Variants in SH2D4A observed in about 807,000 individuals in gnomAD.
The protein encoded by SH2D4A is SH2 domain-containing protein 4A.
In SH2D4A, 70 loss-of-function variants were observed where a neutral mutation model predicts 64.7. The ratio of observed to expected loss-of-function variants is 1.08; its 90% CI spans 0.89 to 1.32. The LOEUF (loss-of-function observed/expected upper bound fraction) is 1.32. Among genes scored for constraint, SH2D4A ranks in the 40% most tolerant of loss-of-function variants. The pLI, the probability that SH2D4A is intolerant of heterozygous loss-of-function variation, is 0.00. For missense variants in SH2D4A, 706 were observed against 540.1 expected, an observed-to-expected ratio of 1.31 and a Z score of -3.04; for synonymous variants, 268 against 200.7, an observed-to-expected ratio of 1.34 and a Z score of -2.83.
intron 8 of SH2D4A, among the ~76,000 whole-genome samples, chr8:19,383,105 C>G (rs1402294774): frequency 1.3e-5 from 2 of 152,018 alleles, no homozygotes; most frequent in African/African-American, 4.8e-5. Context: ...TAATGTCTTG[C>G]ATCAAATTTG....
At chr8:19,314,193 C>A in intron 1 of SH2D4A, 1 of 797,008 alleles carries the variant, frequency 1.3e-6, no homozygotes, top group Non-Finnish European at 1.6e-6. Flanking sequence ...CCGGCAGGGA[C>A]ACGCGGCGCG....
intron 2 of SH2D4A, among the ~76,000 whole-genome samples, chr8:19,329,654 G>A (rs2052340039): frequency 6.6e-6 from 1 of 152,182 alleles, no homozygotes; most frequent in Non-Finnish European, 1.5e-5. Context: ...GACCTGGTGG[G>A]AGGCAATTGA....
At chr8:19,362,261 G>C (rs59391930) in intron 6 of SH2D4A, among the ~76,000 whole-genome samples, 3,909 of 152,272 alleles carry the variant, frequency 0.026, 149 homozygotes, top group African/African-American at 0.088. Flanking sequence ...CCTAGCATAA[G>C]GGAATATTTT....
At chr8:19,334,275 C>T (rs1585153940) in intron 3 of SH2D4A, among the ~76,000 whole-genome samples, 2 of 152,130 alleles carry the variant, frequency 1.3e-5, no homozygotes, top group East Asian at 3.9e-4. Context: ...TGGGATGCTG[C>T]CCACTAGTGC....
chr8:19,349,953 C>T lies in SH2D4A; in HGVS notation c.514-7250C>T, dbSNP rs142485893. On this transcript the variant is annotated intron_variant, in intron 4 of 9. Transcript: ENST00000265807. Reference sequence around the variant, plus strand: ...TCCTGACCTCAAGTGACCTGCCCACCTTGGCCTCCCAAAGTGCTGGCATTA... The same window carrying T: ...TCCTGACCTCAAGTGACCTGCCCACTTTGGCCTCCCAAAGTGCTGGCATTA... 2.2e-3 allele frequency among the ~76,000 whole-genome samples: 336 copies of T among 152,290 alleles called. 2 individuals are homozygous for T. Among genetic ancestry groups the T allele is most frequent in the African/African-American group, 7.7e-3 (318 of 41,554 alleles).
At chr8:19,316,322 A>C (rs1293912366) in intron 1 of SH2D4A, among the ~76,000 whole-genome samples, 1 of 152,252 alleles carries the variant, frequency 6.6e-6, no homozygotes, top group African/African-American at 2.4e-5. Flanking sequence ...AAACAACATA[A>C]AAATGGAAAT....
chr8:19,382,218 A>G (rs1337837015), intron 8 of SH2D4A, among the ~76,000 whole-genome samples: 1 of 152,170 alleles, frequency 6.6e-6, no homozygotes, highest in Non-Finnish European at 1.5e-5. Flanking sequence ...TTGTTTACCC[A>G]GAAATGTCTT....
chr8:19,354,378 T>G (rs1354014860), intron 4 of SH2D4A, among the ~76,000 whole-genome samples: 1 of 152,078 alleles, frequency 6.6e-6, no homozygotes, highest in Non-Finnish European at 1.5e-5. Context: ...AACCTAAAAT[T>G]TCAAAGAAAA....
At chr8:19,383,642 T>C (rs1266056414) in intron 8 of SH2D4A, among the ~76,000 whole-genome samples, 1 of 152,224 alleles carries the variant, frequency 6.6e-6, no homozygotes, top group African/African-American at 2.4e-5. Context: ...CTATTTTTTT[T>C]TGTTTTTATT....
chr8:19,383,590 G>A (rs569495337), intron 8 of SH2D4A, among the ~76,000 whole-genome samples: 53 of 151,858 alleles, frequency 3.5e-4, no homozygotes, highest in African/African-American at 1.1e-3. Context: ...GTAATAATGC[G>A]GTAACTCTGG....
At position 19,334,792 on chromosome 8, in the gene SH2D4A, G is replaced by A. The variant is rs1245646660; in HGVS notation, c.448G>A (p.Ala150Thr). ...QQTKDIWKKVAEKEELEQGSR... is the reference protein window; with the variant it reads ...QQTKDIWKKVTEKEELEQGSR... Reference sequence around the variant, plus strand: ...GACTAAAGACATCTGGAAGAAAGTGGCAGAAAAGGAGGAACTGGAGCAAGG... The same window carrying A: ...GACTAAAGACATCTGGAAGAAAGTGACAGAAAAGGAGGAACTGGAGCAAGG... The change falls in exon 4 of 10, where the codon GCA becomes ACA. Residue 150 changes from alanine (A) to threonine (T), a missense_variant. By Grantham distance (58) the Ala-to-Thr change is moderately conservative. Transcript: ENST00000265807. 6.2e-7 allele frequency: 1 copy of A among 1,614,086 alleles called. No individual in the cohort carries two copies. The highest frequency in any genetic ancestry group is 8.5e-7 in the Non-Finnish European group (1 of 1,179,994).
At chr8:19,347,484 C>T (rs73599083) in intron 4 of SH2D4A, among the ~76,000 whole-genome samples, 2,169 of 152,258 alleles carry the variant, frequency 0.014, 46 homozygotes, top group African/African-American at 0.049. Flanking sequence ...AGTTGTTCTG[C>T]GTGTGGTTGG....
chr8:19,324,558 G>A (rs761325862), intron 2 of SH2D4A, among the ~76,000 whole-genome samples: 10 of 152,188 alleles, frequency 6.6e-5, no homozygotes, highest in African/African-American at 2.2e-4. Context: ...TTCCTCAGCC[G>A]CCTCTGACTC....
intron 4 of SH2D4A, among the ~76,000 whole-genome samples, chr8:19,337,722 A>G (rs1381150238): frequency 6.6e-6 from 1 of 152,194 alleles, no homozygotes; most frequent in Non-Finnish European, 1.5e-5. Context: ...GAGCTTGCGC[A>G]GGGAAATTCC....
At chr8:19,318,908 C>A (rs375006616) in intron 1 of SH2D4A, among the ~76,000 whole-genome samples, 1 of 151,800 alleles carries the variant, frequency 6.6e-6, no homozygotes, top group South Asian at 2.1e-4. Context: ...ATGAGTTACT[C>A]TGTGACATAT....
At chr8:19,351,147 C>G (rs559402416) in intron 4 of SH2D4A, among the ~76,000 whole-genome samples, 97 of 152,250 alleles carry the variant, frequency 6.4e-4, no homozygotes, top group Non-Finnish European at 1.1e-3. Flanking sequence ...CCAGTATGCT[C>G]AGAAACTTAA....
intron 2 of SH2D4A, among the ~76,000 whole-genome samples, chr8:19,322,263 C>A (rs913644077): frequency 1.3e-5 from 2 of 152,144 alleles, no homozygotes; most frequent in African/African-American, 4.8e-5. Flanking sequence ...TGCTGCAGAC[C>A]TGCTAAGCCC....
rs1408357013 is a variant in SH2D4A, at chr8:19,319,695, G to A, written c.148G>A (p.Glu50Lys). Residue 50 changes from glutamate to lysine, a missense_variant, in exon 2 of 10, where the codon GAG becomes AAG. By Grantham distance (56) the Glu-to-Lys change is moderately conservative. Transcript: ENST00000265807. ...AAGAGAAGCAGCTATGGAAAGAAAG[G>A]AGTCCCTGCCAGTGAAACCCAGACC... is the stretch of plus-strand genomic sequence containing the variant. ...KEREAAMERK[E>K]SLPVKPRPKK... is the part of the protein sequence containing the mutation. The A allele has an allele frequency of 6.2e-7, 1 of 1,603,658 alleles. No homozygotes were observed. The highest frequency in any genetic ancestry group is 1.7e-5 in the Admixed American group (1 of 57,830).
At chr8:19,329,216 G>C (rs989999365) in intron 2 of SH2D4A, among the ~76,000 whole-genome samples, 1 of 152,146 alleles carries the variant, frequency 6.6e-6, no homozygotes, top group African/African-American at 2.4e-5. Flanking sequence ...CAAAGAACTT[G>C]TCGTATTTCT....
Sources: gnomAD v4.1 joint callset for allele counts (sites outside exome capture counted in the v4.1 genomes callset) on GRCh38, gnomAD v4.1.1 for gene constraint, MANE v1.5 for transcripts, NCBI Gene and HGNC (gene_info 2026-07-23, HGNC 2026-07-21) for gene names.